SH3BP4: variants seen among roughly 807,000 people sequenced by gnomAD.
The protein encoded by SH3BP4 is SH3 domain binding protein 4, also known as SH3 domain-binding protein 4.
In SH3BP4, 33 loss-of-function variants were observed where a neutral mutation model predicts 65.5. The ratio of observed to expected loss-of-function variants is 0.50; its 90% confidence interval spans 0.38 to 0.67. SH3BP4 has a LOEUF of 0.67. Ranked by LOEUF, SH3BP4 falls within the 30% of genes least tolerant of loss-of-function variation. SH3BP4 has a pLI of 0.00. For synonymous variants in SH3BP4, 552 were observed against 545.5 expected, an observed-to-expected ratio of 1.01 and a Z score of -0.17; for missense variants, 1,134 against 1,261.4, an observed-to-expected ratio of 0.90 and a Z score of 1.53.
At chr2:234,969,904 TACAC>T (rs760204947) in intron 1 of SH3BP4, among the ~76,000 whole-genome samples, 2 of 142,272 alleles carry the variant, frequency 1.4e-5, no homozygotes, top group African/African-American at 2.9e-5. Flanking sequence ...CACACACACT[TACAC>T]ACACTCTGTC....
At chr2:234,992,701 G>A (rs996946209) in intron 1 of SH3BP4, among the ~76,000 whole-genome samples, 2 of 146,590 alleles carry the variant, frequency 1.4e-5, no homozygotes, top group Non-Finnish European at 3.0e-5. Context: ...ACGCATTCCT[G>A]CTGCGTGGCT....
In SH3BP4 at chr2:235,041,293, T is replaced by TGCC; in HGVS notation, c.525_527dup (p.Pro176dup). The TGCC allele has an allele frequency of 6.2e-7, 1 of 1,614,210 alleles. No homozygotes were observed. The highest frequency in any genetic ancestry group is 1.7e-5 in the Admixed American group (1 of 60,030). On this transcript the variant is annotated inframe_insertion, in exon 4 of 6. Coordinates refer to ENST00000392011, the MANE Select transcript of SH3BP4 (RefSeq NM_014521.3). The surrounding 1 kb of genome is among the most constrained non-coding windows in gnomAD (Gnocchi z 6.0). ...ACCAATCCATTTCTGAATGGGAACG[T>TGCC]GCCCGTCATGCCCAGCCTGGATGAG... is the stretch of plus-strand genomic sequence containing the variant.
chr2:235,006,388 G>A (rs1694295845), intron 2 of SH3BP4, among the ~76,000 whole-genome samples: 1 of 152,188 alleles, frequency 6.6e-6, no homozygotes, highest in African/African-American at 2.4e-5. Context: ...AATCTGTGGG[G>A]TAGCATTTTT....
chr2:235,006,606 G>A (rs1211577046), intron 2 of SH3BP4, among the ~76,000 whole-genome samples: 6 of 152,138 alleles, frequency 3.9e-5, no homozygotes, highest in Non-Finnish European at 8.8e-5. Context: ...TGGACTCAGG[G>A]GCCCCCCTCG....
In SH3BP4 at chr2:235,042,551, G is replaced by T. The variant is rs752306824; in HGVS notation, c.1782G>T (p.Lys594Asn). The change falls in exon 4 of 6, where the codon AAG becomes AAT. Residue 594 changes from lysine to asparagine, a missense_variant. Transcript: ENST00000392011. This position sits in a 1 kb window ranked among gnomAD's most constrained non-coding sequence, Gnocchi z 7.3. ...ACTTCACGCTGCGGGTTCAGGTGAA[G>T]GACGACCAGGAGGCCATCCTCACCC... ...LSDFTLRVQV[K>N]DDQEAILTQF... 6.2e-7 allele frequency: 1 copy of T among 1,614,004 alleles called. No individual in the cohort carries two copies. The highest frequency in any genetic ancestry group is 8.5e-7 in the Non-Finnish European group (1 of 1,180,040).
At position 234,976,836 on chromosome 2, in the gene SH3BP4, G is replaced by A. The variant is rs886976405; in HGVS notation, c.-206-18467G>A. 1.3e-5 allele frequency among the ~76,000 whole-genome samples: 2 copies of A among 152,172 alleles called. No individual in the cohort carries two copies. The highest frequency in any genetic ancestry group is 4.8e-5 in the African/African-American group (2 of 41,430). ...TCACCCAAAACACACAATGTCTGGGGAGATGCCCTAGCCAAGAGGAGCTTA... is the reference window on the plus strand; with the variant it reads ...TCACCCAAAACACACAATGTCTGGGAAGATGCCCTAGCCAAGAGGAGCTTA... On this transcript the variant is annotated intron_variant, in intron 1 of 5. Transcript: ENST00000392011. This position sits in a 1 kb window ranked among gnomAD's most constrained non-coding sequence, Gnocchi z 4.7.
rs890535608 is a variant in SH3BP4, at chr2:234,977,121, A to C, written c.-206-18182A>C. Among the ~76,000 whole-genome samples, 1 of 152,186 alleles carries C rather than the reference A, an allele frequency of 6.6e-6. No homozygotes were observed. The highest frequency in any genetic ancestry group is 2.4e-5 in the African/African-American group (1 of 41,448). On this transcript the variant is annotated intron_variant, in intron 1 of 5. Transcript: ENST00000392011. This position sits in a 1 kb window ranked among gnomAD's most constrained non-coding sequence, Gnocchi z 5.1. ...GAATTTAAATCTATCCTAAAAGAAA[A>C]AGCTTATTTAAGAAAATAGGTAAGA...
intron 1 of SH3BP4, among the ~76,000 whole-genome samples, chr2:234,957,246 T>G (rs1692608550): frequency 1.3e-5 from 2 of 152,270 alleles, no homozygotes; most frequent in South Asian, 4.1e-4. Flanking sequence ...CTTGAACTCC[T>G]GACCTCAGGT....
rs965841440 is a variant in SH3BP4 at position 234,976,513 on chromosome 2, C to T, written c.-206-18790C>T. Among the ~76,000 whole-genome samples the T allele has an allele frequency of 2.0e-5, 3 of 151,984 alleles. No individual in the cohort carries two copies. The highest frequency in any genetic ancestry group is 2.9e-5 in the Non-Finnish European group (2 of 68,006). ...TAAGCAGGGCTACCGTCTCTCGGCC[C>T]GGGGCTTCTTGTTTCATGATAAATA... On this transcript the variant is annotated intron_variant, in intron 1 of 5. Coordinates refer to ENST00000392011, the MANE Select transcript of SH3BP4 (RefSeq NM_014521.3). The surrounding 1 kb of genome is among the most constrained non-coding windows in gnomAD (Gnocchi z 4.7).
In SH3BP4 at chr2:235,042,794, G is replaced by A. The variant is rs1038205458; in HGVS notation, c.2025G>A (p.Leu675=). The change falls in exon 4 of 6, where the codon CTG becomes CTA. Residue 675 remains leucine (L), a synonymous_variant. Coordinates refer to ENST00000392011, the MANE Select transcript of SH3BP4 (RefSeq NM_014521.3). The surrounding 1 kb of genome is among the most constrained non-coding windows in gnomAD (Gnocchi z 7.3). ...GGCAGAACAAGAACCACTACCTGCT[G>A]GAGTACAAGAAGGGCGACGGGATCG... The part of the protein sequence containing the change: ...VVRQNKNHYL[L]EYKKGDGIAL... 5 of 1,614,124 alleles carry A rather than the reference G, an allele frequency of 3.1e-6. No homozygotes were observed. In the East Asian group the frequency reaches 6.7e-5, roughly 22 times the overall value.
At chr2:235,017,045 CTTTTTT>C (rs995197698) in intron 2 of SH3BP4, among the ~76,000 whole-genome samples, 1 of 88,440 alleles carries the variant, frequency 1.1e-5, no homozygotes, top group South Asian at 4.0e-4. Flanking sequence ...GTTTGCCTTT[CTTTTTT>C]TTTTTTTTTT....
At chr2:235,016,845 C>A (rs2106303846) in intron 2 of SH3BP4, among the ~76,000 whole-genome samples, 2 of 151,900 alleles carry the variant, frequency 1.3e-5, no homozygotes, top group East Asian at 3.9e-4. Context: ...TGCATCCAAC[C>A]ATCCATCCAT....
chr2:234,965,294 C>T (rs1692809587), intron 1 of SH3BP4, among the ~76,000 whole-genome samples: 1 of 152,150 alleles, frequency 6.6e-6, no homozygotes, highest in African/African-American at 2.4e-5. Context: ...TCGGCAGTTC[C>T]CCCTCAGGGA....
intron 5 of SH3BP4, 94 bp from the exon 6 acceptor site, chr2:235,053,498 G>A: frequency 1.1e-6 from 1 of 896,198 alleles, no homozygotes; most frequent in South Asian, 1.5e-5. Context: ...AGTGACTACT[G>A]AAGCTGCACC....
intron 2 of SH3BP4, among the ~76,000 whole-genome samples, 158 bp downstream of exon 2, chr2:234,995,534 C>A (rs1366974366): frequency 6.6e-6 from 1 of 152,208 alleles, no homozygotes; most frequent in African/African-American, 2.4e-5. Context: ...TGACACTTGA[C>A]CTTTCTCAGG....
Position 235,022,715 on chromosome 2 carries a change from TCA to T in SH3BP4, c.-132-12153_-132-12152del, listed in dbSNP as rs1314850919. The stretch of plus-strand genomic sequence containing the variant: ...CCGCCGCTGTTGAGAGGATGGATTG[TCA>T]CAGTCTTCCAGGACTGCTTTTGGCA... On this transcript the variant is annotated intron_variant, in intron 2 of 5. Transcript: ENST00000392011. Among the ~76,000 whole-genome samples, 8 of 152,298 alleles carry T rather than the reference TCA, an allele frequency of 5.3e-5. No homozygotes were observed. The South Asian group carries it at 1.7e-3, about 32-fold the overall frequency.
intron 2 of SH3BP4, among the ~76,000 whole-genome samples, chr2:235,002,180 C>A (rs982258835): frequency 6.6e-6 from 1 of 152,124 alleles, no homozygotes; most frequent in Admixed American, 6.5e-5. Context: ...CATTTTTAAA[C>A]GATGCAATTC....
At chr2:234,953,910 C>G (rs935019173) in intron 1 of SH3BP4, among the ~76,000 whole-genome samples, 1 of 151,844 alleles carries the variant, frequency 6.6e-6, no homozygotes, top group African/African-American at 2.4e-5. Context: ...TCCTCCACCT[C>G]TGCTTTCTGC....
intron 2 of SH3BP4, among the ~76,000 whole-genome samples, chr2:235,032,928 A>T (rs1461248727): frequency 6.6e-6 from 1 of 152,206 alleles, no homozygotes; most frequent in Non-Finnish European, 1.5e-5. Flanking sequence ...ATGGGGAAAG[A>T]TGGAAACATC....
Sources: allele counts gnomAD v4.1 joint callset (sites outside exome capture counted in the v4.1 genomes callset), GRCh38; gene constraint gnomAD v4.1.1; non-coding constraint Gnocchi (gnomAD v3.1); transcripts MANE v1.5; gene names NCBI Gene and HGNC (gene_info 2026-07-23, HGNC 2026-07-21).